DCAF8: variants seen among roughly 807,000 people sequenced by gnomAD.
DCAF8 encodes DDB1- and CUL4-associated factor 8.
A neutral mutation model predicts 68.0 loss-of-function variants in DCAF8; 20 were observed. The observed-to-expected ratio is 0.29, with a 90% CI of 0.21 to 0.43. The LOEUF is 0.43. Among genes scored for constraint, DCAF8 ranks in the 20% least tolerant of loss-of-function variants. The pLI, the probability that DCAF8 is intolerant of heterozygous loss-of-function variation, is 1.00. For synonymous variants in DCAF8, 230 were observed against 276.9 expected (o/e 0.83, Z 1.68); for missense variants, 460 against 771.0 (o/e 0.60, Z 4.78).
chr1:160,251,543 G>C (rs1656594357), intron 2 of DCAF8, among the ~76,000 whole-genome samples: 1 of 151,926 alleles, frequency 6.6e-6, no homozygotes, highest in South Asian at 2.1e-4. Context: ...TGTGATCTCA[G>C]CTCACTGAAG....
At chr1:160,250,754 C>A (rs951271118) in intron 2 of DCAF8, among the ~76,000 whole-genome samples, 2 of 152,100 alleles carry the variant, frequency 1.3e-5, no homozygotes, top group East Asian at 3.8e-4. Flanking sequence ...AAGTCTACAA[C>A]CCTATTGTCT....
At chr1:160,251,751 G>A (rs1038145810) in intron 2 of DCAF8, among the ~76,000 whole-genome samples, 46 of 152,096 alleles carry the variant, frequency 3.0e-4, no homozygotes, top group Non-Finnish European at 5.6e-4. Context: ...TTACAGGCAC[G>A]AGCCACTGCA....
chr1:160,245,918 C>T (rs1008470120), intron 2 of DCAF8, among the ~76,000 whole-genome samples: 1 of 152,116 alleles, frequency 6.6e-6, no homozygotes, highest in Non-Finnish European at 1.5e-5. Flanking sequence ...GAGGGCAGAT[C>T]ACCTGAGGTC....
intron 7 of DCAF8, among the ~76,000 whole-genome samples, chr1:160,231,040 C>T (rs1181849096): frequency 2.0e-5 from 3 of 152,126 alleles, no homozygotes; most frequent in Admixed American, 2.0e-4. Flanking sequence ...AGGTGTGAGC[C>T]ACTACACCTG....
chr1:160,255,906 C>T (rs1192557599), intron 2 of DCAF8, among the ~76,000 whole-genome samples: 1 of 152,056 alleles, frequency 6.6e-6, no homozygotes, highest in Non-Finnish European at 1.5e-5. Flanking sequence ...AGATGTAAGC[C>T]ACCGTGCATG....
chr1:160,224,575 G>A (rs755344363), intron 9 of DCAF8, 26 bp from the exon 10 acceptor site: 1 of 1,580,550 alleles, frequency 6.3e-7, no homozygotes, highest in Admixed American at 1.7e-5. Context: ...ACATAGCAGT[G>A]AAGGCAAAGG....
chr1:160,232,059 C>T (rs550302469), intron 6 of DCAF8, among the ~76,000 whole-genome samples: 11 of 152,008 alleles, frequency 7.2e-5, no homozygotes, highest in African/African-American at 2.2e-4. Flanking sequence ...GGCGTGGTGG[C>T]GCATGCCTAT....
rs1205424160 is a variant in DCAF8, at chr1:160,238,617, G to A, written c.854C>T (p.Ala285Val). The A allele has an allele frequency of 2.5e-6, 4 of 1,602,184 alleles. No individual in the cohort carries two copies. Among genetic ancestry groups the A allele is most frequent in the Admixed American group, 1.7e-5 (1 of 57,344 alleles). The change falls in exon 5 of 14, where the codon GCG becomes GTG. Residue 285 changes from alanine (A) to valine (V), a missense_variant. By Grantham distance (64) the Ala-to-Val change is moderately conservative. Around this residue, in one of 8 missense-constraint regions of DCAF8, gnomAD observed 170 missense variants for 318.2 expected, o/e 0.53. Coordinates refer to ENST00000368074, the MANE Select transcript of DCAF8 (RefSeq NM_015726.4). ...NTKRVAQHKG[A>V]SHKLALEPDS... is the part of the protein sequence containing the mutation. ...CAAGGTCTTACTTACCTTGTGGGAC[G>A]CTCCCTTGTGCTGGGCCACACGTTT...
intron 6 of DCAF8, among the ~76,000 whole-genome samples, chr1:160,235,143 T>TG (rs1447773447): frequency 1.4e-5 from 2 of 141,508 alleles, no homozygotes; most frequent in African/African-American, 5.5e-5. Context: ...ATAATTTTGG[T>TG]TTTTTTTTTT....
intron 4 of DCAF8, 51 bp from the exon 5 acceptor site, chr1:160,238,798 A>T: frequency 6.6e-7 from 1 of 1,520,412 alleles, no homozygotes; most frequent in East Asian, 2.4e-5. Flanking sequence ...TGAGAGAGGT[A>T]AACTTGAGAA....
intron 2 of DCAF8, among the ~76,000 whole-genome samples, chr1:160,255,682 T>C (rs1269617459): frequency 6.6e-6 from 1 of 152,080 alleles, no homozygotes; most frequent in African/African-American, 2.4e-5. Context: ...TACACTGGTG[T>C]GATATTGGGT....
At chr1:160,250,363 G>A (rs1328444682) in intron 2 of DCAF8, among the ~76,000 whole-genome samples, 1 of 151,802 alleles carries the variant, frequency 6.6e-6, no homozygotes, top group African/African-American at 2.4e-5. Flanking sequence ...CTACTCGGGA[G>A]GCTGAGGCAG....
intron 2 of DCAF8, among the ~76,000 whole-genome samples, chr1:160,253,096 G>C (rs1041198035): frequency 6.6e-6 from 1 of 152,156 alleles, no homozygotes; most frequent in Non-Finnish European, 1.5e-5. Context: ...TTCAAGGGAA[G>C]AATCTTGAGG....
chr1:160,260,441 A>C (rs547981048), intron 2 of DCAF8, among the ~76,000 whole-genome samples: 1 of 152,316 alleles, frequency 6.6e-6, no homozygotes, highest in East Asian at 1.9e-4. Flanking sequence ...ATCAGATGGA[A>C]TAAAACTCAC....
At chr1:160,244,827 A>T (rs1656256609) in intron 2 of DCAF8, among the ~76,000 whole-genome samples, 1 of 151,946 alleles carries the variant, frequency 6.6e-6, no homozygotes, top group Non-Finnish European at 1.5e-5. Context: ...GTTAGCCAGG[A>T]TGGTCTCGAT....
At chr1:160,244,319 A>G (rs958759210) in intron 2 of DCAF8, among the ~76,000 whole-genome samples, 10 of 152,194 alleles carry the variant, frequency 6.6e-5, no homozygotes, top group African/African-American at 1.9e-4. Flanking sequence ...CGAAAGTGGG[A>G]ACTAAAATAA....
Position 160,237,172 on chromosome 1 carries a change from C to T in DCAF8, c.922G>A (p.Val308Ile). Residue 308 changes from valine (V) to isoleucine (I), a missense_variant, in exon 6 of 14, where the codon GTT (valine) becomes ATT (isoleucine). By Grantham distance (29) the Val-to-Ile change is conservative. This residue lies in a region of DCAF8 where 170 missense variants were observed against 318.2 expected (regional missense o/e 0.53). Coordinates refer to ENST00000368074, the MANE Select transcript of DCAF8 (RefSeq NM_015726.4). Reference sequence around the variant, plus strand: ...TCTTGTCTCAGGTCAATGGTGAAAACAACTGCATCTTCACCTGCAGATAAG... The same window carrying T: ...TCTTGTCTCAGGTCAATGGTGAAAATAACTGCATCTTCACCTGCAGATAAG... Reference protein sequence around the residue: ...TFLSAGEDAVVFTIDLRQDRP... With the variant: ...TFLSAGEDAVIFTIDLRQDRP... 1 of 1,577,778 alleles carries T rather than the reference C, an allele frequency of 6.3e-7. No individual in the cohort carries two copies. Among genetic ancestry groups the T allele is most frequent in the Admixed American group, 1.8e-5 (1 of 54,764 alleles).
At chr1:160,225,357 A>G (rs1177049606) in intron 8 of DCAF8, among the ~76,000 whole-genome samples, 1 of 152,198 alleles carries the variant, frequency 6.6e-6, no homozygotes, top group Non-Finnish European at 1.5e-5. Flanking sequence ...ATTAGGCCTC[A>G]CCATCAAGGT....
At chr1:160,220,477 G>C (rs1461832244) in intron 11 of DCAF8, 4 of 152,266 alleles carry the variant, frequency 2.6e-5, no homozygotes, top group Admixed American at 2.6e-4. Flanking sequence ...GAGCCTGCGG[G>C]GGGAGCCGAC....
Sources: allele counts gnomAD v4.1 joint callset (sites outside exome capture counted in the v4.1 genomes callset), GRCh38; gene constraint gnomAD v4.1.1; regional missense constraint gnomAD v4.1.1; transcripts MANE v1.5; gene names NCBI Gene and HGNC (gene_info 2026-07-23, HGNC 2026-07-21).